Variants in KCNU1 observed in about 807,000 individuals in gnomAD.
KCNU1 encodes the protein potassium channel subfamily U member 1.
KCNU1 carries 93 observed loss-of-function variants against 126.8 expected under a neutral mutation model. That is an observed-to-expected ratio of 0.73 (90% CI 0.62 to 0.87). KCNU1 has a LOEUF of 0.87. KCNU1 is among the 40% of genes least tolerant of loss of function. The probability of loss-of-function intolerance (pLI) is 0.00; values close to 1 mark genes in which losing one functional copy is unlikely to be tolerated. For missense variants in KCNU1, 1,330 were observed against 1,367.1 expected (o/e 0.97, Z 0.43); for synonymous variants, 523 against 494.2 (o/e 1.06, Z -0.77).
intron 19 of KCNU1, among the ~76,000 whole-genome samples, chr8:36,892,503 C>T (rs1471107434): frequency 8.9e-6 from 1 of 112,334 alleles, no homozygotes; most frequent in Admixed American, 1.2e-4. Flanking sequence ...CCCCCACCCC[C>T]CACCAGGTAT....
At chr8:36,879,709 A>G (rs1430511643) in intron 19 of KCNU1, among the ~76,000 whole-genome samples, 1 of 152,194 alleles carries the variant, frequency 6.6e-6, no homozygotes, top group East Asian at 1.9e-4. Context: ...ATTAGTACAA[A>G]GCAAAGCAAA....
chr8:36,858,725 A>G (rs1805623210), intron 18 of KCNU1, among the ~76,000 whole-genome samples: 1 of 152,200 alleles, frequency 6.6e-6, no homozygotes, highest in Non-Finnish European at 1.5e-5. Flanking sequence ...TCTAGTATAA[A>G]TGCTAAAATA....
At chr8:36,889,266 A>T (rs1341559255) in intron 19 of KCNU1, 1 of 531,110 alleles carries the variant, frequency 1.9e-6, no homozygotes, top group Non-Finnish European at 3.9e-6. Context: ...GTATGACCCC[A>T]TATATGATTT....
chr8:36,819,070 G>C (rs536474316), intron 10 of KCNU1, among the ~76,000 whole-genome samples: 1 of 152,124 alleles, frequency 6.6e-6, no homozygotes, highest in Non-Finnish European at 1.5e-5. Context: ...GTTGTTGTAT[G>C]TACTTGCCAA....
In KCNU1 at chr8:36,811,826, G is replaced by A. The variant is rs367775930; in HGVS notation, c.733-2381G>A. On this transcript the variant is annotated intron_variant, in intron 7 of 26. Coordinates refer to ENST00000399881, the MANE Select transcript of KCNU1 (RefSeq NM_001031836.3). ...AGGTGCCTATAAACCCAGCTACTTGGGAGGCTGAGCCAGGTGCATCACTGG... is the reference window on the plus strand; with the variant it reads ...AGGTGCCTATAAACCCAGCTACTTGAGAGGCTGAGCCAGGTGCATCACTGG... 4.6e-5 allele frequency among the ~76,000 whole-genome samples: 7 copies of A among 152,208 alleles called. No homozygotes were observed. The East Asian group carries it at 9.7e-4, about 21-fold the overall frequency.
rs113127224 is a variant in KCNU1, at chr8:36,820,341, G to A, written c.1106+2581G>A. ...CTAGCATACCAAGAGCCAAAATGTGGCCTTTTCCTTGGAACTGGTGGAGAC... is the reference window on the plus strand; with the variant it reads ...CTAGCATACCAAGAGCCAAAATGTGACCTTTTCCTTGGAACTGGTGGAGAC... On this transcript the variant is annotated intron_variant, in intron 10 of 26. Coordinates refer to ENST00000399881, the MANE Select transcript of KCNU1 (RefSeq NM_001031836.3). Among the ~76,000 whole-genome samples, 354 of 152,260 alleles carry A rather than the reference G, an allele frequency of 2.3e-3. 11 individuals carry two copies. Among genetic ancestry groups the A allele is most frequent in the African/African-American group, 8.2e-3 (339 of 41,560 alleles).
intron 22 of KCNU1, among the ~76,000 whole-genome samples, chr8:36,913,444 G>A (rs568623604): frequency 5.3e-5 from 8 of 152,248 alleles, no homozygotes; most frequent in African/African-American, 1.4e-4. Flanking sequence ...AAAGATGAAA[G>A]AAAAGGTTAG....
intron 19 of KCNU1, among the ~76,000 whole-genome samples, chr8:36,877,080 AC>A (rs1363723357): frequency 6.6e-6 from 1 of 152,156 alleles, no homozygotes; most frequent in African/African-American, 2.4e-5. Context: ...TGTTACCTGC[AC>A]TTAGAAGCAC....
intron 2 of KCNU1, among the ~76,000 whole-genome samples, chr8:36,793,403 TC>T (rs1802975413): frequency 6.6e-6 from 1 of 151,706 alleles, no homozygotes; most frequent in African/African-American, 2.4e-5. Flanking sequence ...GAAAAATCCA[TC>T]TCATGGATGA....
intron 2 of KCNU1, among the ~76,000 whole-genome samples, chr8:36,799,700 A>ATTT (rs556183981): frequency 3.5e-4 from 49 of 139,792 alleles, no homozygotes; most frequent in African/African-American, 1.1e-3. Context: ...ACACTTGGCT[A>ATTT]TTTTTTTTTT....
chr8:36,833,130 A>G (rs1248886102), intron 10 of KCNU1, among the ~76,000 whole-genome samples: 3 of 152,116 alleles, frequency 2.0e-5, no homozygotes, highest in Non-Finnish European at 4.4e-5. Flanking sequence ...GTTCCTCTAA[A>G]TGTTCTTTTC....
At chr8:36,925,359 C>A (rs1177689774) in intron 24 of KCNU1, among the ~76,000 whole-genome samples, 4 of 152,152 alleles carry the variant, frequency 2.6e-5, no homozygotes, top group Non-Finnish European at 5.9e-5. Context: ...AAAGCGTCTT[C>A]TATGTCAAGG....
intron 2 of KCNU1, among the ~76,000 whole-genome samples, chr8:36,793,348 TATA>T (rs1445568850): frequency 2.0e-5 from 3 of 151,498 alleles, no homozygotes; most frequent in South Asian, 2.1e-4. Flanking sequence ...GAACTTAAAG[TATA>T]ATAATAAAAA....
At chr8:36,807,260 T>G (rs933390194) in intron 5 of KCNU1, 115 bp from the exon 6 acceptor site, 4 of 760,070 alleles carry the variant, frequency 5.3e-6, no homozygotes, top group Non-Finnish European at 9.2e-6. Context: ...GAGAATAGAT[T>G]TGGAACACGT....
chr8:36,828,977 A>T (rs919339912), intron 10 of KCNU1, among the ~76,000 whole-genome samples: 2 of 152,072 alleles, frequency 1.3e-5, no homozygotes, highest in African/African-American at 2.4e-5. Flanking sequence ...GTCAAATGGA[A>T]CCTTCTTGTG....
At position 36,911,099 on chromosome 8, in the gene KCNU1, A is replaced by T; in HGVS notation, c.2501A>T (p.Asp834Val). The T allele has an allele frequency of 6.2e-7, 1 of 1,613,046 alleles. No homozygotes were observed. Among genetic ancestry groups the T allele is most frequent in the Non-Finnish European group, 8.5e-7 (1 of 1,179,348 alleles). Residue 834 changes from aspartate (D) to valine (V), a missense_variant, in exon 22 of 27, where the codon GAC (aspartate) becomes GTC (valine). Around this residue, in one of 3 missense-constraint regions of KCNU1, gnomAD observed 1,054 missense variants for 1,053.9 expected, o/e 1.00. Coordinates refer to ENST00000399881, the MANE Select transcript of KCNU1 (RefSeq NM_001031836.3). ...IGSLQIDSSS[D>V]PSPSVSEETP... is the part of the protein sequence containing the mutation. ...TCCTTGCAAATTGACTCCTCCTCTG[A>T]CCCGTCACCCTCAGTGTCAGGTGAG... is the stretch of plus-strand genomic sequence containing the variant.
rs900952429 is a variant in KCNU1 at position 36,784,666 on chromosome 8, G to C, written c.195+61G>C. The stretch of plus-strand genomic sequence containing the variant: ...TCAGAGATGAGTTTGGGGTAGTTTT[G>C]TGTTTAGTAAAAGATCTAAGCTTCA... On this transcript the variant is annotated intron_variant, in intron 1 of 26. Transcript: ENST00000399881. 53 of 1,286,292 alleles carry C rather than the reference G, an allele frequency of 4.1e-5. No individual in the cohort carries two copies. The African/African-American group carries it at 7.3e-4, about 18-fold the overall frequency. The allele number at this position is 1,286,292 out of a possible 1,614,324, so 79.7% of individuals were successfully genotyped here.
intron 1 of KCNU1, among the ~76,000 whole-genome samples, chr8:36,786,147 G>A (rs1802703840): frequency 6.6e-6 from 1 of 151,240 alleles, no homozygotes; most frequent in African/African-American, 2.4e-5. Context: ...TAGGTGTACT[G>A]TGAAGAGTTA....
intron 18 of KCNU1, among the ~76,000 whole-genome samples, chr8:36,849,519 G>T (rs1805269135): frequency 6.6e-6 from 1 of 152,140 alleles, no homozygotes; most frequent in South Asian, 2.1e-4. Flanking sequence ...AACCCAGGAG[G>T]TGCAGGTTGG....
Sources: allele counts gnomAD v4.1 joint callset (sites outside exome capture counted in the v4.1 genomes callset), GRCh38; gene constraint gnomAD v4.1.1; regional missense constraint gnomAD v4.1.1; transcripts MANE v1.5; gene names NCBI Gene and HGNC (gene_info 2026-07-23, HGNC 2026-07-21).